Variants in SMURF1 observed in about 807,000 individuals in gnomAD.
SMURF1 encodes the protein E3 ubiquitin-protein ligase SMURF1.
In SMURF1, 44 loss-of-function variants were observed where a neutral mutation model predicts 98.0. The ratio of observed to expected loss-of-function variants is 0.45; its 90% CI spans 0.35 to 0.58. The LOEUF (loss-of-function observed/expected upper bound fraction) is 0.58, where lower values mean the gene tolerates loss of function less well. Ranked by LOEUF, SMURF1 falls within the 20% of genes least tolerant of loss-of-function variation. The pLI, the probability that SMURF1 is intolerant of heterozygous loss-of-function variation, is 0.00. For missense variants in SMURF1, 687 were observed against 938.4 expected, an observed-to-expected ratio of 0.73 and a Z score of 3.50; for synonymous variants, 396 against 374.9, an observed-to-expected ratio of 1.06 and a Z score of -0.65.
At chr7:99,095,465 G>A (rs557973672) in intron 1 of SMURF1, among the ~76,000 whole-genome samples, 6 of 152,272 alleles carry the variant, frequency 3.9e-5, no homozygotes, top group South Asian at 2.1e-4. Flanking sequence ...AATCTCTTAA[G>A]GTAGCAATTA....
At chr7:99,140,219 C>A (rs977686741) in intron 1 of SMURF1, among the ~76,000 whole-genome samples, 24 of 151,934 alleles carry the variant, frequency 1.6e-4, no homozygotes, top group African/African-American at 5.3e-4. Context: ...AAATCTAATG[C>A]CCTATTCACC....
At chr7:99,079,311 C>T (rs1277130645) in intron 1 of SMURF1, among the ~76,000 whole-genome samples, 1 of 152,216 alleles carries the variant, frequency 6.6e-6, no homozygotes, top group Non-Finnish European at 1.5e-5. Flanking sequence ...GGGCCATGTT[C>T]TGCGCAGGCT....
intron 1 of SMURF1, among the ~76,000 whole-genome samples, chr7:99,143,474 G>A (rs1423431019): frequency 2.1e-5 from 3 of 140,180 alleles, no homozygotes; most frequent in Non-Finnish European, 4.7e-5. Flanking sequence ...GGACGGAGAT[G>A]CGAGGGGGCA....
At chr7:99,073,466 T>TAAA (rs11429233) in intron 1 of SMURF1, among the ~76,000 whole-genome samples, 7 of 141,680 alleles carry the variant, frequency 4.9e-5, no homozygotes, top group Non-Finnish European at 3.0e-5. Flanking sequence ...ATTTAAAACT[T>TAAA]AAAAAAAAAA....
At position 99,143,858 on chromosome 7, in the gene SMURF1, GCCT is replaced by G; in HGVS notation, c.-81_-79del. On this transcript the variant is annotated 5_prime_UTR_variant, in exon 1 of 18. Transcript: ENST00000361368. ...GGCCCGGCCCGGCCCCGCCGCCGCC[GCCT>G]CAAGGTTACGGCTCCGGGCTGGGCG... 1 of 1,329,888 alleles carries G rather than the reference GCCT, an allele frequency of 7.5e-7. No homozygotes were observed. Among genetic ancestry groups the G allele is most frequent in the Non-Finnish European group, 1.0e-6 (1 of 1,004,512 alleles). The allele number at this position is 1,329,888 out of a possible 1,614,324, so 82.4% of individuals were successfully genotyped here.
At chr7:99,052,908 A>G (rs577229770) in intron 6 of SMURF1, among the ~76,000 whole-genome samples, 2 of 152,302 alleles carry the variant, frequency 1.3e-5, no homozygotes, top group South Asian at 4.1e-4. Context: ...TACTAAAAAT[A>G]CAAAAATTAG....
intron 1 of SMURF1, among the ~76,000 whole-genome samples, chr7:99,109,065 A>G (rs780786982): frequency 6.6e-6 from 1 of 152,032 alleles, no homozygotes; most frequent in Non-Finnish European, 1.5e-5. Flanking sequence ...AGTTTCACCA[A>G]CTTACCTAGG....
chr7:99,069,294 A>T (rs73399242), intron 1 of SMURF1, among the ~76,000 whole-genome samples: 1,921 of 152,294 alleles, frequency 0.013, 40 homozygotes, highest in African/African-American at 0.044. Context: ...ATTACTTCCC[A>T]TACAGGTGGC....
rs67705340 is a variant in SMURF1 at position 99,119,003 on chromosome 7, ATTTTTTTTTTTTTTTTTTTT to A, written c.55+24703_55+24722del. ...AGCCTCCTGAGAAGCTAACATGCCAATTTTTTTTTTTTTTTTTTTTTTTTTTTTTTTTTTTTTTTTTAGAG... is the reference window on the plus strand; with the variant it reads ...AGCCTCCTGAGAAGCTAACATGCCAATTTTTTTTTTTTTTTTTTTTTAGAG... On this transcript the variant is annotated intron_variant, in intron 1 of 17. Transcript: ENST00000361368. 6.5e-3 allele frequency among the ~76,000 whole-genome samples: 281 copies of A among 42,938 alleles called. 2 individuals carry two copies. Among genetic ancestry groups the A allele is most frequent in the Admixed American group, 0.02 (82 of 4,046 alleles). The allele number at this position is 42,938 out of a possible 152,430, so 28.2% of individuals were successfully genotyped here.
intron 1 of SMURF1, among the ~76,000 whole-genome samples, chr7:99,064,609 T>C (rs2150548328): frequency 6.6e-6 from 1 of 152,364 alleles, no homozygotes; most frequent in Non-Finnish European, 1.5e-5. Context: ...TTGTAGATGT[T>C]TGTTGATTTC....
chr7:99,072,930 CTTGATTGAGCATAGA>C (rs1235044591), intron 1 of SMURF1, among the ~76,000 whole-genome samples: 2 of 152,130 alleles, frequency 1.3e-5, no homozygotes, highest in African/African-American at 4.8e-5. Flanking sequence ...TTATGCTCAA[CTTGATTGAGCATAGA>C]AGGAAAATAG....
chr7:99,089,121 T>G (rs1177100508), intron 1 of SMURF1, among the ~76,000 whole-genome samples: 1 of 151,724 alleles, frequency 6.6e-6, no homozygotes, highest in Non-Finnish European at 1.5e-5. Flanking sequence ...GGAGAATCGC[T>G]TGAACCTGGG....
At chr7:99,100,108 T>TAAAAAAA in intron 1 of SMURF1, among the ~76,000 whole-genome samples, 1 of 141,684 alleles carries the variant, frequency 7.1e-6, no homozygotes, top group Non-Finnish European at 1.5e-5. Flanking sequence ...TGGGAAAAGT[T>TAAAAAAA]AAAAAAAAAA....
chr7:99,052,827 G>A (rs377499953), intron 6 of SMURF1, among the ~76,000 whole-genome samples: 25 of 152,262 alleles, frequency 1.6e-4, no homozygotes, highest in African/African-American at 5.5e-4. Flanking sequence ...ACTTTGGGAC[G>A]CCGAAGTGGG....
chr7:99,049,055 C>T (rs1795671247), intron 9 of SMURF1: 1 of 152,060 alleles, frequency 6.6e-6, no homozygotes, highest in South Asian at 2.1e-4. Flanking sequence ...TGTGCCACTG[C>T]ACTCCAGCCT....
chr7:99,086,682 A>G lies in SMURF1; in HGVS notation c.56-24845T>C, dbSNP rs537124400. On this transcript the variant is annotated intron_variant, in intron 1 of 17. Coordinates refer to ENST00000361368, the MANE Select transcript of SMURF1 (RefSeq NM_181349.3). ...AACCCAAACGTCCATCATCTGATGA[A>G]TGGATAAACAAACCGCAGCAAATCC... Among the ~76,000 whole-genome samples the G allele has an allele frequency of 2.6e-5, 4 of 152,360 alleles. No homozygotes were observed. The South Asian group carries it at 8.3e-4, about 32-fold the overall frequency.
In SMURF1 at chr7:99,029,053, C is replaced by T. The variant is rs987045394; in HGVS notation, c.*1531G>A. 4 of 152,642 alleles carry T rather than the reference C, an allele frequency of 2.6e-5. No individual in the cohort carries two copies. Among genetic ancestry groups the T allele is most frequent in the Admixed American group, 1.3e-4 (2 of 15,286 alleles). 9.5% of individuals were successfully genotyped at this position (152,642 alleles called of 1,614,324 possible). On this transcript the variant is annotated 3_prime_UTR_variant, in exon 18 of 18. Transcript: ENST00000361368. ...TAAACTTTCCTCCTGCAGCAAACCT[C>T]ATTTGGCAGCCCTTCTATTCTAGAA...
At chr7:99,137,960 C>A (rs1229305430) in intron 1 of SMURF1, among the ~76,000 whole-genome samples, 2 of 152,186 alleles carry the variant, frequency 1.3e-5, no homozygotes, top group African/African-American at 4.8e-5. Context: ...AACATAGCTC[C>A]ATGGCTTTCC....
intron 1 of SMURF1, among the ~76,000 whole-genome samples, chr7:99,142,400 G>A (rs1228214895): frequency 6.6e-6 from 1 of 151,806 alleles, no homozygotes; most frequent in Non-Finnish European, 1.5e-5. Context: ...AGTAGCTAGC[G>A]GTCTGGCCTA....
Sources: gnomAD v4.1 joint callset for allele counts (sites outside exome capture counted in the v4.1 genomes callset) on GRCh38, gnomAD v4.1.1 for gene constraint, MANE v1.5 for transcripts, NCBI Gene and HGNC (gene_info 2026-07-23, HGNC 2026-07-21) for gene names.